Variants in RTN4 observed in about 807,000 individuals in gnomAD.
The protein encoded by RTN4 is reticulon-4.
A neutral mutation model predicts 90.4 loss-of-function variants in RTN4; 32 were observed. The observed-to-expected ratio is 0.35, with a 90% CI of 0.27 to 0.48. The LOEUF (loss-of-function observed/expected upper bound fraction) is 0.48. RTN4 is among the 20% of genes least tolerant of loss of function. The pLI, the probability that RTN4 is intolerant of heterozygous loss-of-function variation, is 0.99. For missense variants in RTN4, 1,706 were observed against 1,430.2 expected (o/e 1.19, Z -3.11); for synonymous variants, 629 against 552.5 (o/e 1.14, Z -1.94).
At chr2:55,046,021 C>G (rs530917994) in intron 1 of RTN4, among the ~76,000 whole-genome samples, 1 of 152,158 alleles carries the variant, frequency 6.6e-6, no homozygotes, top group African/African-American at 2.4e-5. Context: ...GATGGAGATG[C>G]TCTGGGCACA....
At position 55,019,372 on chromosome 2, in the gene RTN4, C is replaced by G. The variant is rs1011219338; in HGVS notation, c.3013+5714G>C. 4.5e-4 allele frequency among the ~76,000 whole-genome samples: 69 copies of G among 152,164 alleles called. 1 individual carries two copies. The highest frequency in any genetic ancestry group is 4.4e-3 in the Admixed American group (67 of 15,264). On this transcript the variant is annotated intron_variant, in intron 3 of 8. Transcript: ENST00000337526. ...CGAATTTTGATAGGGAGCAGGATAT[C>G]TGCATGTGTTCAAGTGTCACTCCTC...
chr2:55,055,522 C>T (rs749793123), upstream of RTN4, among the ~76,000 whole-genome samples: 6 of 152,140 alleles, frequency 3.9e-5, no homozygotes, highest in Non-Finnish European at 8.8e-5. Flanking sequence ...AATCCCAGCA[C>T]TTTGGGAGGC....
intron 3 of RTN4, among the ~76,000 whole-genome samples, 199 bp from the exon 4 acceptor site, chr2:54,987,897 T>A (rs1678695967): frequency 6.6e-6 from 1 of 152,268 alleles, no homozygotes; most frequent in Non-Finnish European, 1.5e-5. Context: ...AACACCTTTA[T>A]TTTTGACCAC....
the RTN4 span, among the ~76,000 whole-genome samples, chr2:55,137,615 T>A: frequency 6.6e-6 from 1 of 151,968 alleles, no homozygotes; most frequent in Non-Finnish European, 1.5e-5. Flanking sequence ...GACTACAGCC[T>A]CCCCACAGGT....
chr2:55,036,810 A>G (rs1352393966), intron 1 of RTN4, among the ~76,000 whole-genome samples: 1 of 152,102 alleles, frequency 6.6e-6, no homozygotes, highest in Non-Finnish European at 1.5e-5. Flanking sequence ...TCAACCTAAG[A>G]GTCAGGATAT....
At chr2:55,097,979 C>T (rs1002461396) in intron 1 of RTN4, among the ~76,000 whole-genome samples, 1 of 152,064 alleles carries the variant, frequency 6.6e-6, no homozygotes, top group Non-Finnish European at 1.5e-5. Flanking sequence ...TCATCTTTCT[C>T]CTCTGTGCCC....
In RTN4 at chr2:55,025,512, A is replaced by G. The variant is rs1681770961; in HGVS notation, c.2587T>C (p.Ser863Pro). The part of the protein sequence containing the change: ...IRETETFSDS[S>P]PIEIIDEFPT... ...AACTCATCTATAATTTCAATTGGAG[A>G]TGAATCTGAAAACGTTTCAGTTTCT... is the stretch of plus-strand genomic sequence containing the variant. Residue 863 changes from serine (S) to proline (P), a missense_variant, in exon 3 of 9, where the codon TCT becomes CCT. Ser to Pro is a moderately conservative substitution (Grantham distance 74, BLOSUM62 -1). Transcript: ENST00000337526. 1 of 1,613,624 alleles carries G rather than the reference A, an allele frequency of 6.2e-7. No individual in the cohort carries two copies. Among genetic ancestry groups the G allele is most frequent in the African/African-American group, 1.3e-5 (1 of 74,920 alleles).
intron 3 of RTN4, among the ~76,000 whole-genome samples, chr2:55,015,147 G>A (rs1267421603): frequency 6.6e-6 from 1 of 151,948 alleles, no homozygotes; most frequent in Non-Finnish European, 1.5e-5. Flanking sequence ...AACACTAGAT[G>A]GCACCAACAC....
chr2:55,091,471 T>A (rs1668933857), intron 1 of RTN4, among the ~76,000 whole-genome samples: 1 of 152,214 alleles, frequency 6.6e-6, no homozygotes, highest in Non-Finnish European at 1.5e-5. Flanking sequence ...CCCTTTATCT[T>A]ATTTTCCTGT....
intron 1 of RTN4, among the ~76,000 whole-genome samples, chr2:55,084,509 C>G (rs1415209878): frequency 2.0e-5 from 3 of 152,092 alleles, no homozygotes; most frequent in African/African-American, 7.2e-5. Flanking sequence ...GTGAGCCATT[C>G]TAGCAAATGA....
intron 1 of RTN4, among the ~76,000 whole-genome samples, chr2:55,045,422 A>G (rs1683356104): frequency 6.6e-6 from 1 of 152,238 alleles, no homozygotes; most frequent in African/African-American, 2.4e-5. Context: ...CACTGAATGA[A>G]CAAATAATGA....
chr2:55,083,234 G>A (rs1668755022), intron 1 of RTN4, among the ~76,000 whole-genome samples: 1 of 152,214 alleles, frequency 6.6e-6, no homozygotes, highest in African/African-American at 2.4e-5. Flanking sequence ...GGTGGCTCAT[G>A]CCTGTAATCC....
rs188648803 is a variant in RTN4 at position 54,977,374 on chromosome 2, C to A, written c.3361-2610G>T. On this transcript the variant is annotated intron_variant, in intron 5 of 8. Transcript: ENST00000337526. The stretch of plus-strand genomic sequence containing the variant: ...AGCCTGAGAGCTAGATTTTAGTGTT[C>A]TTCTGGGTCAGCTATTTCTGGAGCT... Among the ~76,000 whole-genome samples the A allele has an allele frequency of 6.3e-3, 939 of 149,514 alleles. 5 individuals are homozygous for A. The highest frequency in any genetic ancestry group is 7.1e-3 in the Non-Finnish European group (479 of 67,694).
In RTN4 at chr2:55,026,104, T is replaced by C. The variant is rs1449664660; in HGVS notation, c.1995A>G (p.Val665=). The C allele has an allele frequency of 1.2e-6, 2 of 1,613,156 alleles. No homozygotes were observed. The highest frequency in any genetic ancestry group is 2.2e-5 in the South Asian group (2 of 90,974). ...NPPPYEEAMS[V]SLKKVSGIKE... is the part of the protein sequence containing the mutation. ...TTATTCCTGATACTTTTTTTAGTGA[T>C]ACACTCATGGCCTCTTCATATGGTG... is the stretch of plus-strand genomic sequence containing the variant. Residue 665 remains valine (V), a synonymous_variant, in exon 3 of 9, where the codon GTA becomes GTG. Transcript: ENST00000337526.
intron 1 of RTN4, among the ~76,000 whole-genome samples, chr2:55,087,424 C>T (rs914163050): frequency 2.3e-4 from 35 of 152,148 alleles, no homozygotes; most frequent in Non-Finnish European, 3.7e-4. Flanking sequence ...TATATTCATA[C>T]AATGTATAAC....
intron 1 of RTN4, among the ~76,000 whole-genome samples, chr2:55,106,205 T>A (rs1373315890): frequency 6.6e-6 from 1 of 152,096 alleles, no homozygotes; most frequent in African/African-American, 2.4e-5. Context: ...TTTCCTGTGT[T>A]CAAATCCTTC....
At chr2:55,028,014 A>G in intron 2 of RTN4, 150 bp downstream of exon 2, 3 of 625,232 alleles carry the variant, frequency 4.8e-6, no homozygotes, top group South Asian at 2.8e-5. Flanking sequence ...CATACCATAT[A>G]AAATGCACAT....
intron 1 of RTN4, among the ~76,000 whole-genome samples, chr2:55,091,596 G>A (rs575264938): frequency 6.6e-6 from 1 of 152,336 alleles, no homozygotes; most frequent in South Asian, 2.1e-4. Context: ...GGGAGGCCGA[G>A]GCAGGAGGAT....
chr2:55,107,510 T>G (rs200699038), intron 1 of RTN4, among the ~76,000 whole-genome samples: 1 of 150,718 alleles, frequency 6.6e-6, no homozygotes, highest in Non-Finnish European at 1.5e-5. Context: ...AGAACAAACC[T>G]CACAGCCAGT....
Sources: allele counts gnomAD v4.1 joint callset (sites outside exome capture counted in the v4.1 genomes callset), GRCh38; gene constraint gnomAD v4.1.1; transcripts MANE v1.5; gene names NCBI Gene and HGNC (gene_info 2026-07-23, HGNC 2026-07-21).